PGPEP1: variants seen among roughly 807,000 people sequenced by gnomAD.
PGPEP1 encodes pyroglutamyl-peptidase 1.
A neutral mutation model predicts 24.1 loss-of-function variants in PGPEP1; 15 were observed. The observed-to-expected ratio is 0.62, with a 90% CI of 0.42 to 0.96. The LOEUF is 0.96. Among genes scored for constraint, PGPEP1 ranks in the 40% least tolerant of loss-of-function variants. The pLI, the probability that PGPEP1 is intolerant of heterozygous loss-of-function variation, is 0.00. For missense variants in PGPEP1, 242 were observed against 273.4 expected, an observed-to-expected ratio of 0.89 and a Z score of 0.81; for synonymous variants, 122 against 116.4, an observed-to-expected ratio of 1.05 and a Z score of -0.31.
rs1568320378 is a variant in PGPEP1 at position 18,363,709 on chromosome 19, T to C, written c.*126T>C. The stretch of plus-strand genomic sequence containing the variant: ...GGGATCCGATCTGGAAGAGAGATTC[T>C]GATCTGCCCACCTCCTCTTCCTCCT... On this transcript the variant is annotated 3_prime_UTR_variant, in exon 5 of 5. Transcript: ENST00000269919. The C allele has an allele frequency of 1.7e-5, 11 of 635,886 alleles. No homozygotes were observed. The East Asian group carries it at 2.8e-4, about 16-fold the overall frequency. 39.4% of individuals were successfully genotyped at this position (635,886 alleles called of 1,614,324 possible). A position where few individuals can be genotyped will look rare whatever the true frequency, so the allele number is the denominator to read the frequency against.
intron 3 of PGPEP1, 44 bp downstream of exon 3, chr19:18,356,055 G>A: frequency 8.2e-7 from 1 of 1,216,460 alleles, no homozygotes; most frequent in Non-Finnish European, 1.2e-6. Context: ...AGGACTTACA[G>A]GTTGGCACCC....
chr19:18,366,348 C>T lies in PGPEP1; in HGVS notation c.*2765C>T, dbSNP rs191921430. ...ATAACCTATTGTCTGCTCATTGTCACGTGTGTGTGTGTCATCTTTGTATTC... is the reference window on the plus strand; with the variant it reads ...ATAACCTATTGTCTGCTCATTGTCATGTGTGTGTGTGTCATCTTTGTATTC... On this transcript the variant is annotated 3_prime_UTR_variant, in exon 5 of 5. Transcript: ENST00000269919. 4.8e-4 allele frequency: 73 copies of T among 152,284 alleles called. No individual in the cohort carries two copies. Among genetic ancestry groups the T allele is most frequent in the African/African-American group, 1.7e-3 (72 of 41,540 alleles). 9.4% of individuals were successfully genotyped at this position (152,284 alleles called of 1,614,324 possible).
intron 1 of PGPEP1, 83 bp downstream of exon 1, chr19:18,340,798 C>T: frequency 9.6e-7 from 1 of 1,046,136 alleles, no homozygotes; most frequent in Non-Finnish European, 1.3e-6. Context: ...CCGAGAGGGG[C>T]AGGTGCTGGA....
intron 1 of PGPEP1, 130 bp from the exon 2 acceptor site, chr19:18,342,729 C>A: frequency 1.4e-6 from 1 of 707,760 alleles, no homozygotes; most frequent in Non-Finnish European, 2.5e-6. Context: ...GACCAGGCCC[C>A]CAATGTTGTC....
Position 18,342,877 on chromosome 19 carries a change from A to G in PGPEP1, c.53A>G (p.Glu18Gly), listed in dbSNP as rs1970713308. Residue 18 changes from glutamate to glycine, a missense_variant, in exon 2 of 5, where the codon GAA becomes GGA. Glu to Gly is a moderately conservative substitution (Grantham distance 98, BLOSUM62 -2). Transcript: ENST00000269919. ...TTTTCAGGATTTGGCCCTTTTGGGG[A>G]ACACACCGTGAACGCCAGTTGGATT... ...VVVTGFGPFG[E>G]HTVNASWIAV... The G allele has an allele frequency of 1.9e-6, 3 of 1,613,780 alleles. No individual in the cohort carries two copies. In the South Asian group the frequency reaches 3.3e-5, roughly 18 times the overall value.
chr19:18,340,973 C>T (rs1187335798), intron 1 of PGPEP1, among the ~76,000 whole-genome samples: 1 of 152,124 alleles, frequency 6.6e-6, no homozygotes, highest in African/African-American at 2.4e-5. Flanking sequence ...TGCGCAGGCC[C>T]CCCTGGCGTC....
intron 4 of PGPEP1, 47 bp downstream of exon 4, chr19:18,357,662 C>A: frequency 1.5e-6 from 2 of 1,357,770 alleles, no homozygotes; most frequent in Non-Finnish European, 1.0e-6. Flanking sequence ...CCTCCTCCAC[C>A]CACTGAGCCT....
In PGPEP1 at chr19:18,340,671, C is replaced by T. The variant is rs774252221; in HGVS notation, c.-11C>T. 7.8e-6 allele frequency: 12 copies of T among 1,541,648 alleles called. No individual in the cohort carries two copies. The highest frequency in any genetic ancestry group is 9.6e-6 in the Non-Finnish European group (11 of 1,146,640). ...AACAGAAGCAGGTCCGAGGCACAGC[C>T]CGATCCCGCCATGGAGCAGCCGAGG... On this transcript the variant is annotated 5_prime_UTR_variant, in exon 1 of 5. Coordinates refer to ENST00000269919, the MANE Select transcript of PGPEP1 (RefSeq NM_017712.4).
chr19:18,358,672 A>G (rs1181164011), intron 4 of PGPEP1, among the ~76,000 whole-genome samples: 3 of 152,008 alleles, frequency 2.0e-5, no homozygotes, highest in African/African-American at 4.8e-5. Context: ...CTGGAGTGCA[A>G]TGGCGCCATC....
intron 2 of PGPEP1, among the ~76,000 whole-genome samples, chr19:18,348,399 G>C (rs1970922364): frequency 6.6e-6 from 1 of 152,188 alleles, no homozygotes; most frequent in South Asian, 2.1e-4. Flanking sequence ...GTCAGACGAG[G>C]CTGCGCGGCG....
chr19:18,361,412 T>C (rs1473105029), intron 4 of PGPEP1, among the ~76,000 whole-genome samples: 1 of 152,138 alleles, frequency 6.6e-6, no homozygotes, highest in Non-Finnish European at 1.5e-5. Flanking sequence ...GTGCTGGGAT[T>C]ACAGGCGTGA....
At chr19:18,349,210 C>A in intron 2 of PGPEP1, 1 of 602,690 alleles carries the variant, frequency 1.7e-6, no homozygotes, top group Non-Finnish European at 2.1e-6. Context: ...GAGACAGAAT[C>A]TCACTCTGTC....
At chr19:18,348,783 G>C (rs562928609) in intron 2 of PGPEP1, among the ~76,000 whole-genome samples, 2 of 152,178 alleles carry the variant, frequency 1.3e-5, no homozygotes, top group South Asian at 4.1e-4. Context: ...TTGAGATGGG[G>C]TCTTGCTCTG....
In PGPEP1 at chr19:18,351,767, A is replaced by G. The variant is rs938364334; in HGVS notation, c.88-4128A>G. On this transcript the variant is annotated intron_variant, in intron 2 of 4. Transcript: ENST00000269919. ...AGACCAGCCTGGGCAATGTAGCAAG[A>G]CCCCATCTCTAAAAGAAAAAATTCT... Among the ~76,000 whole-genome samples, 2 of 152,010 alleles carry G rather than the reference A, an allele frequency of 1.3e-5. 1 individual carries two copies. Among genetic ancestry groups the G allele is most frequent in the Admixed American group, 1.3e-4 (2 of 15,218 alleles).
chr19:18,349,870 T>G (rs1372291089), intron 2 of PGPEP1, among the ~76,000 whole-genome samples: 1 of 152,112 alleles, frequency 6.6e-6, no homozygotes, highest in Non-Finnish European at 1.5e-5. Context: ...TGTCTGTGCT[T>G]TTCGTGTCAT....
At chr19:18,361,605 A>G in intron 4 of PGPEP1, 4 of 447,512 alleles carry the variant, frequency 8.9e-6, no homozygotes, top group Non-Finnish European at 1.2e-5. Flanking sequence ...TCTTTATAAA[A>G]TTAATTTTTA....
chr19:18,344,123 A>G (rs1366009575), intron 2 of PGPEP1, among the ~76,000 whole-genome samples: 1 of 151,024 alleles, frequency 6.6e-6, no homozygotes, highest in Admixed American at 6.7e-5. Flanking sequence ...CCAGGCAGGA[A>G]TATGTGGGGT....
intron 2 of PGPEP1, among the ~76,000 whole-genome samples, chr19:18,353,677 G>A (rs540728294): frequency 4.6e-5 from 7 of 152,118 alleles, no homozygotes; most frequent in South Asian, 4.2e-4. Context: ...GCAGCCACTC[G>A]TCTGCTTCCT....
At chr19:18,350,357 T>A (rs1324066947) in intron 2 of PGPEP1, among the ~76,000 whole-genome samples, 2 of 152,132 alleles carry the variant, frequency 1.3e-5, no homozygotes, top group Non-Finnish European at 2.9e-5. Context: ...AAGAGCTCTG[T>A]GGGTCTCCTC....
Sources: gnomAD v4.1 joint callset for allele counts (sites outside exome capture counted in the v4.1 genomes callset) on GRCh38, gnomAD v4.1.1 for gene constraint, MANE v1.5 for transcripts, NCBI Gene and HGNC (gene_info 2026-07-23, HGNC 2026-07-21) for gene names.